The following HSF4 variants were observed in gnomAD, a reference collection of about 807,000 sequenced individuals.
HSF4 encodes heat shock transcription factor 4.
Under a neutral mutation model 52.0 loss-of-function variants are expected in HSF4, and 41 were observed. That is an observed-to-expected ratio of 0.79 (90% CI 0.61 to 1.02). The LOEUF (loss-of-function observed/expected upper bound fraction) is 1.02, where lower values mean the gene tolerates loss of function less well. Ranked by LOEUF, HSF4 falls within the 50% of genes least tolerant of loss-of-function variation. The pLI is 0.00. For synonymous variants in HSF4, 285 were observed against 273.0 expected (o/e 1.04, Z -0.43); for missense variants, 610 against 651.1 (o/e 0.94, Z 0.69).
intron 4 of HSF4, 70 bp from the exon 5 acceptor site, chr16:67,166,250 C>T (rs2031281681): frequency 2.0e-6 from 3 of 1,491,382 alleles, no homozygotes; most frequent in South Asian, 1.2e-5. Context: ...TCCCCAGCCT[C>T]GCCATTCTGT....
chr16:67,165,185 C>T lies in HSF4; in HGVS notation c.123+251C>T, dbSNP rs2031159792. On this transcript the variant is annotated intron_variant, in intron 1 of 12. Coordinates refer to ENST00000521374, the MANE Select transcript of HSF4 (RefSeq NM_001374675.1). This position sits in a 1 kb window ranked among gnomAD's most constrained non-coding sequence, Gnocchi z 6.9. ...AGGCCATTTAGTTCCCACCCTACCCCATCCGACAGATGGGAAAACAGAGGC... is the reference window on the plus strand; with the variant it reads ...AGGCCATTTAGTTCCCACCCTACCCTATCCGACAGATGGGAAAACAGAGGC... 2 of 595,382 alleles carry T rather than the reference C, an allele frequency of 3.4e-6. No individual in the cohort carries two copies. The highest frequency in any genetic ancestry group is 3.7e-5 in the African/African-American group (2 of 53,748). The allele number at this position is 595,382 out of a possible 1,614,324, so 36.9% of individuals were successfully genotyped here. A position where few individuals can be genotyped will look rare whatever the true frequency, so the allele number is the denominator to read the frequency against.
chr16:67,169,319 C>T lies in HSF4; in HGVS notation c.1295C>T (p.Ala432Val), dbSNP rs368325207. Residue 432 changes from alanine (A) to valine (V), a missense_variant, in exon 12 of 13, where the codon GCG becomes GTG. Physicochemically the swap from Ala to Val is moderately conservative, Grantham distance 64. Transcript: ENST00000521374. The surrounding 1 kb of genome is among the most constrained non-coding windows in gnomAD (Gnocchi z 4.3). ...CCAGAGCGGGGTGAGCCTGAGCTGG[C>T]GGTCAAGGGGTTAAATTCTCCAAGC... ...LVPERGEPEL[A>V]VKGLNSPSPG... 1.1e-5 allele frequency: 18 copies of T among 1,613,458 alleles called. No individual in the cohort carries two copies. The highest frequency in any genetic ancestry group is 1.7e-5 in the Admixed American group (1 of 59,986).
At chr16:67,164,691 C>T (rs2145917048), upstream of HSF4, 1 of 1,277,564 alleles carries the variant, frequency 7.8e-7, no homozygotes, top group Non-Finnish European at 1.0e-6. Flanking sequence ...ACGTGGCCCC[C>T]GCCTGACCCG....
chr16:67,166,201 G>T, intron 4 of HSF4, 119 bp from the exon 5 acceptor site: 2 of 1,356,514 alleles, frequency 1.5e-6, no homozygotes, highest in South Asian at 1.2e-5. Flanking sequence ...ACTTATGGGC[G>T]ATCTCTGGGA....
upstream of HSF4, chr16:67,164,337 C>T (rs1020325937): frequency 2.5e-6 from 1 of 395,608 alleles, no homozygotes; most frequent in Admixed American, 2.9e-5. Context: ...CTTGGAATGA[C>T]TACGTCCCGG....
chr16:67,169,660 C>A lies in HSF4; in HGVS notation c.1354C>A (p.Leu452Met), dbSNP rs1437462724. Residue 452 changes from leucine (L) to methionine (M), a missense_variant, in exon 13 of 13, where the codon CTG becomes ATG. By Grantham distance (15) the Leu-to-Met change is conservative (BLOSUM62 2). Transcript: ENST00000521374. This position sits in a 1 kb window ranked among gnomAD's most constrained non-coding sequence, Gnocchi z 4.3. ...GKDPTLGAPL[L>M]LDVQAALGGP... ...GGACCCCACGCTCGGGGCCCCACTC[C>A]TGCTGGATGTCCAGGCGGCCTTGGG... 1 of 1,611,240 alleles carries A rather than the reference C, an allele frequency of 6.2e-7. No homozygotes were observed. The highest frequency in any genetic ancestry group is 1.7e-5 in the Admixed American group (1 of 60,026).
Position 67,167,786 on chromosome 16 carries a change from G to A in HSF4, c.921G>A (p.Leu307=). ...CAGGGGGGGATGGCGAGGCCGGGCTGGCCCTGGCCCCAAACGAGTGTGACT... is the reference window on the plus strand; with the variant it reads ...CAGGGGGGGATGGCGAGGCCGGGCTAGCCCTGGCCCCAAACGAGTGTGACT... The part of the protein sequence containing the change: ...ASPGGDGEAG[L]ALAPNECDFC... Residue 307 remains leucine (L), a synonymous_variant, in exon 9 of 13, where the codon CTG becomes CTA. Transcript: ENST00000521374. The A allele has an allele frequency of 6.2e-7, 1 of 1,600,018 alleles. No individual in the cohort carries two copies. The highest frequency in any genetic ancestry group is 8.5e-7 in the Non-Finnish European group (1 of 1,173,806).
At position 67,165,501 on chromosome 16, in the gene HSF4, G is replaced by T. The variant is rs754158036; in HGVS notation, c.124-21G>T. On this transcript the variant is annotated intron_variant, in intron 1 of 12. Transcript: ENST00000521374. The surrounding 1 kb of genome is among the most constrained non-coding windows in gnomAD (Gnocchi z 6.9). Reference sequence around the variant, plus strand: ...CCTCCTGGTCTCCGCCCGCACGGTGGGCGGGCGGCGTTCTTGGTAGAGCGG... The same window carrying T: ...CCTCCTGGTCTCCGCCCGCACGGTGTGCGGGCGGCGTTCTTGGTAGAGCGG... 98 of 1,605,926 alleles carry T rather than the reference G, an allele frequency of 6.1e-5. No individual in the cohort carries two copies. Among genetic ancestry groups the T allele is most frequent in the Non-Finnish European group, 3.7e-5 (43 of 1,173,602 alleles).
At chr16:67,163,918 G>C, upstream of HSF4, 1 of 1,502,032 alleles carries the variant, frequency 6.7e-7, no homozygotes, top group Non-Finnish European at 8.9e-7. Flanking sequence ...GCCTTCTTTT[G>C]GGATTGTTGC....
intron 8 of HSF4, 59 bp downstream of exon 8, chr16:67,167,658 G>T: frequency 1.2e-6 from 2 of 1,612,318 alleles, no homozygotes; most frequent in South Asian, 1.1e-5. Context: ...CAGCCCAGAT[G>T]GCTGTAGGGG....
upstream of HSF4, chr16:67,164,686 GC>G: frequency 8.3e-7 from 1 of 1,205,782 alleles, no homozygotes; most frequent in East Asian, 2.9e-5. Flanking sequence ...CTTGCACGTG[GC>G]CCCCGCCTGA....
chr16:67,166,131 T>C, intron 4 of HSF4, 61 bp downstream of exon 4: 4 of 1,495,760 alleles, frequency 2.7e-6, no homozygotes, highest in Non-Finnish European at 3.6e-6. Context: ...AGACCATAAC[T>C]GGCCGGCCAG....
At chr16:67,166,650 A>G (rs1190742612) in intron 6 of HSF4, 28 bp downstream of exon 6, 2 of 1,607,194 alleles carry the variant, frequency 1.2e-6, no homozygotes, top group African/African-American at 2.7e-5. Context: ...GAAGGCCCAC[A>G]CCCACTTCCA....
chr16:67,165,550 A>G lies in HSF4; in HGVS notation c.152A>G (p.Gln51Arg). 1.2e-6 allele frequency: 2 copies of G among 1,613,100 alleles called. No homozygotes were observed. The highest frequency in any genetic ancestry group is 2.2e-5 in the East Asian group (1 of 44,846). The change falls in exon 2 of 13, where the codon CAG (glutamine) becomes CGG (arginine). Residue 51 changes from glutamine (Q) to arginine (R), a missense_variant. Coordinates refer to ENST00000521374, the MANE Select transcript of HSF4 (RefSeq NM_001374675.1). The surrounding 1 kb of genome is among the most constrained non-coding windows in gnomAD (Gnocchi z 6.9). ...PSGTSFLVSD[Q>R]SRFAKEVLPQ... ...GGGACCAGTTTCCTCGTAAGCGACC[A>G]GAGCCGTTTCGCCAAGGAAGTGCTG...
At position 67,165,717 on chromosome 16, in the gene HSF4, A is replaced by T; in HGVS notation, c.233-2A>T. On this transcript the variant is annotated splice_acceptor_variant, in intron 2 of 12. Transcript: ENST00000521374. LOFTEE classifies it high-confidence loss of function. This position sits in a 1 kb window ranked among gnomAD's most constrained non-coding sequence, Gnocchi z 6.9. ...CCCACGCCCCCACGCCCCACTCCCC[A>T]GACGGTTTTCGGAAGGTGGTGAGCA... is the stretch of plus-strand genomic sequence containing the variant. 1.2e-6 allele frequency: 2 copies of T among 1,612,042 alleles called. No homozygotes were observed. Among genetic ancestry groups the T allele is most frequent in the Non-Finnish European group, 8.5e-7 (1 of 1,179,798 alleles).
In HSF4 at chr16:67,165,835, G is replaced by T. The variant is rs746400816; in HGVS notation, c.349G>T (p.Val117Leu). Residue 117 changes from valine (V) to leucine (L), a missense_variant, in exon 3 of 13, where the codon GTG becomes TTG. Val to Leu is a conservative substitution (Grantham distance 32). Coordinates refer to ENST00000521374, the MANE Select transcript of HSF4 (RefSeq NM_001374675.1). This position sits in a 1 kb window ranked among gnomAD's most constrained non-coding sequence, Gnocchi z 6.9. ...CGGCCGCGAGCAGCTACTGGAGCGC[G>T]TGCGGCGCAAGGTGGGGGCGGCCTG... ...VRGREQLLERVRRKVPALRGD... is the reference protein window; with the variant it reads ...VRGREQLLERLRRKVPALRGD... 14 of 1,604,816 alleles carry T rather than the reference G, an allele frequency of 8.7e-6. No individual in the cohort carries two copies. The highest frequency in any genetic ancestry group is 1.2e-5 in the Non-Finnish European group (14 of 1,179,138).
Position 67,166,111 on chromosome 16 carries a change from G to A in HSF4, c.485+41G>A, listed in dbSNP as rs1360074473. On this transcript the variant is annotated intron_variant, in intron 4 of 12. Coordinates refer to ENST00000521374, the MANE Select transcript of HSF4 (RefSeq NM_001374675.1). Reference sequence around the variant, plus strand: ...GGGAAAGAGGGGACAGGGGTGGGGGGTTCGGGATGAGACCATAACTGGCCG... The same window carrying A: ...GGGAAAGAGGGGACAGGGGTGGGGGATTCGGGATGAGACCATAACTGGCCG... 10 of 1,378,432 alleles carry A rather than the reference G, an allele frequency of 7.3e-6. No homozygotes were observed. The South Asian group carries it at 8.7e-5, about 12-fold the overall frequency. 85.4% of individuals were successfully genotyped at this position (1,378,432 alleles called of 1,614,324 possible).
At chr16:67,163,879 G>GGGGT, upstream of HSF4, 1 of 1,526,916 alleles carries the variant, frequency 6.5e-7, no homozygotes, top group African/African-American at 1.4e-5. Context: ...GGAACGGGGG[G>GGGGT]GGTGTCCAGG....
rs775909593 is a variant in HSF4 at position 67,167,761 on chromosome 16, CA to C, written c.897del (p.Asp302MetfsTer17). 14 of 1,606,050 alleles carry C rather than the reference CA, an allele frequency of 8.7e-6. No individual in the cohort carries two copies. Among genetic ancestry groups the C allele is most frequent in the Admixed American group, 3.4e-5 (2 of 58,602 alleles). The stretch of plus-strand genomic sequence containing the variant: ...CTGCTCAAAGAAGAGCCGGCCAGTC[CA>C]GGGGGGGATGGCGAGGCCGGGCTGG... ...LALLKEEPAS[P>X]GGDGEAGLAL... On this transcript the variant is annotated frameshift_variant, in exon 9 of 13. Coordinates refer to ENST00000521374, the MANE Select transcript of HSF4 (RefSeq NM_001374675.1). LOFTEE classifies it high-confidence loss of function.
Sources: allele counts gnomAD v4.1 joint callset, GRCh38; gene constraint gnomAD v4.1.1; non-coding constraint Gnocchi (gnomAD v3.1); transcripts MANE v1.5; gene names NCBI Gene and HGNC (gene_info 2026-07-23, HGNC 2026-07-21).